Variants in TRAK1 observed in about 807,000 individuals in gnomAD.
The protein encoded by TRAK1 is trafficking kinesin protein 1.
In TRAK1, 33 loss-of-function variants were observed where a neutral mutation model predicts 92.1. The ratio of observed to expected loss-of-function variants is 0.36; its 90% CI spans 0.27 to 0.48. The LOEUF (loss-of-function observed/expected upper bound fraction) is 0.48. Ranked by LOEUF, TRAK1 falls within the 20% of genes least tolerant of loss-of-function variation. The pLI, the probability that TRAK1 is intolerant of heterozygous loss-of-function variation, is 0.99. For missense variants in TRAK1, 1,123 were observed against 1,257.9 expected, an observed-to-expected ratio of 0.89 and a Z score of 1.62; for synonymous variants, 521 against 517.3, an observed-to-expected ratio of 1.01 and a Z score of -0.10.
chr3:42,219,786 GTTTTTTTTT>G (rs397989334), intron 15 of TRAK1, among the ~76,000 whole-genome samples, 190 bp downstream of exon 15: 1 of 63,498 alleles, frequency 1.6e-5, no homozygotes, highest in African/African-American at 4.3e-5. Context: ...GTTGTTATGT[GTTTTTTTTT>G]TTTTTTTTTT....
chr3:42,162,471 T>A (rs372072406), intron 2 of TRAK1, among the ~76,000 whole-genome samples: 25 of 152,208 alleles, frequency 1.6e-4, no homozygotes, highest in Non-Finnish European at 2.6e-4. Flanking sequence ...AGACCGAGAA[T>A]GTGTCCTGAA....
rs547455969 is a variant in TRAK1, at chr3:42,134,578, CTTTTTTTTTTT to C, written c.286+8980_286+8990del. 1.0e-3 allele frequency among the ~76,000 whole-genome samples: 79 copies of C among 76,460 alleles called. 1 individual carries two copies. The highest frequency in any genetic ancestry group is 3.7e-3 in the African/African-American group (72 of 19,674). The allele number at this position is 76,460 out of a possible 152,430, so 50.2% of individuals were successfully genotyped here. A position where few individuals can be genotyped will look rare whatever the true frequency, so the allele number is the denominator to read the frequency against. Reference sequence around the variant, plus strand: ...AGGTGTTAGCCACCATGCCTGGTCTCTTTTTTTTTTTTTTTTTTTTTTTTTTGAGACAGAGT... The same window carrying C: ...AGGTGTTAGCCACCATGCCTGGTCTCTTTTTTTTTTTTTTTGAGACAGAGT... On this transcript the variant is annotated intron_variant, in intron 2 of 15. Transcript: ENST00000327628.
intron 1 of TRAK1, among the ~76,000 whole-genome samples, chr3:42,024,885 G>C (rs913903418): frequency 6.6e-6 from 1 of 152,300 alleles, no homozygotes; most frequent in Admixed American, 6.5e-5. Context: ...CTGAGAGTGA[G>C]AGATCCCAGA....
intron 10 of TRAK1, 79 bp downstream of exon 10, chr3:42,195,020 T>G: frequency 6.5e-7 from 1 of 1,540,496 alleles, no homozygotes; most frequent in South Asian, 1.2e-5. Context: ...TTCTGGCCAC[T>G]GGAGTTGGGT....
chr3:42,048,559 T>C (rs942600640), intron 1 of TRAK1, among the ~76,000 whole-genome samples: 1 of 120,084 alleles, frequency 8.3e-6, no homozygotes. Flanking sequence ...TCCTCTACAG[T>C]TCTTTTCTTT....
chr3:42,035,597 C>A (rs1432010820), intron 1 of TRAK1, among the ~76,000 whole-genome samples: 1 of 152,206 alleles, frequency 6.6e-6, no homozygotes, highest in Non-Finnish European at 1.5e-5. Context: ...TTTGCTCTAG[C>A]CCCTTCTGGT....
intron 2 of TRAK1, among the ~76,000 whole-genome samples, chr3:42,137,081 T>A (rs1698052564): frequency 8.6e-6 from 1 of 116,360 alleles, no homozygotes; most frequent in African/African-American, 3.2e-5. Flanking sequence ...TTTGTGAGAT[T>A]TTTTTCTAGA....
At chr3:42,024,660 A>G (rs770836706) in intron 1 of TRAK1, among the ~76,000 whole-genome samples, 1 of 152,260 alleles carries the variant, frequency 6.6e-6, no homozygotes, top group Non-Finnish European at 1.5e-5. Context: ...AGCTAATCAT[A>G]TGATTGCTAT....
chr3:42,183,511 G>A lies in TRAK1; in HGVS notation c.364-1174G>A, dbSNP rs956862590. ...GTGGAGGTTACAGTGAGCCGAGATC[G>A]TGCTACTGTATCCAACCTGGGTGAC... On this transcript the variant is annotated intron_variant, in intron 3 of 15. Transcript: ENST00000327628. 2.0e-5 allele frequency among the ~76,000 whole-genome samples: 3 copies of A among 146,670 alleles called. No homozygotes were observed. The South Asian group carries it at 6.6e-4, about 32-fold the overall frequency.
At chr3:42,042,444 T>C (rs908861616) in intron 1 of TRAK1, among the ~76,000 whole-genome samples, 6 of 152,146 alleles carry the variant, frequency 3.9e-5, no homozygotes, top group Non-Finnish European at 8.8e-5. Context: ...CAGTCTCAGT[T>C]CACTGTGGCC....
intron 2 of TRAK1, among the ~76,000 whole-genome samples, chr3:42,175,681 T>C (rs965709227): frequency 3.9e-5 from 6 of 152,236 alleles, no homozygotes; most frequent in Non-Finnish European, 7.3e-5. Context: ...TTGCATTTAA[T>C]AAAATATTCA....
intron 10 of TRAK1, among the ~76,000 whole-genome samples, chr3:42,196,992 TCTCTCTCTCTCA>T (rs1706774588): frequency 3.4e-5 from 3 of 89,324 alleles, no homozygotes; most frequent in African/African-American, 9.0e-5. Flanking sequence ...TTTCTCTCTC[TCTCTCTCTCTCA>T]CACACACACA....
chr3:42,102,563 A>G (rs1706935099), intron 1 of TRAK1, among the ~76,000 whole-genome samples: 1 of 152,212 alleles, frequency 6.6e-6, no homozygotes, highest in African/African-American at 2.4e-5. Context: ...GGACACTCAG[A>G]GAGAGGCGTC....
intron 10 of TRAK1, 35 bp from the exon 11 acceptor site, chr3:42,199,142 G>A (rs773005997): frequency 2.3e-5 from 37 of 1,610,664 alleles, no homozygotes; most frequent in African/African-American, 2.7e-5. Flanking sequence ...TTGAATTGGC[G>A]CTCACTTGAC....
chr3:42,116,558 G>A (rs1049062302), intron 1 of TRAK1, among the ~76,000 whole-genome samples: 2 of 152,218 alleles, frequency 1.3e-5, no homozygotes, highest in African/African-American at 4.8e-5. Flanking sequence ...TTAAGAAAAT[G>A]GAATTGTTTC....
At chr3:42,042,303 A>G (rs1702576926) in intron 1 of TRAK1, among the ~76,000 whole-genome samples, 1 of 147,572 alleles carries the variant, frequency 6.8e-6, no homozygotes, top group East Asian at 1.9e-4. Context: ...ATCTATTGAG[A>G]TGGTCATATA....
chr3:42,014,013 CG>C (rs920789545), exon 1 of TRAK1: 5 of 148,568 alleles, frequency 3.4e-5, no homozygotes, highest in Non-Finnish European at 7.6e-5. Context: ...GAACCGAAGC[CG>C]CCGGGCGGCC....
At chr3:42,060,650 G>A (rs1263622507) in intron 1 of TRAK1, among the ~76,000 whole-genome samples, 2 of 137,698 alleles carry the variant, frequency 1.5e-5, no homozygotes, top group Admixed American at 7.3e-5. Context: ...TTTTTGAGAC[G>A]GAGTTTTGCT....
intron 1 of TRAK1, among the ~76,000 whole-genome samples, chr3:42,119,955 C>G (rs201627726): frequency 6.6e-6 from 1 of 152,086 alleles, no homozygotes; most frequent in Non-Finnish European, 1.5e-5. Flanking sequence ...TTAAAAAGCT[C>G]TTTGAGAGAA....
Sources: allele counts gnomAD v4.1 joint callset (sites outside exome capture counted in the v4.1 genomes callset), GRCh38; gene constraint gnomAD v4.1.1; transcripts MANE v1.5; gene names NCBI Gene and HGNC (gene_info 2026-07-23, HGNC 2026-07-21).